The following MAP3K5 variants were observed in gnomAD, a reference collection of about 807,000 sequenced individuals.
The protein encoded by MAP3K5 is mitogen-activated protein kinase kinase kinase 5, also known as ASK-1.
Under a neutral mutation model 158.7 loss-of-function variants are expected in MAP3K5, and 56 were observed. The ratio of observed to expected loss-of-function variants is 0.35; its 90% CI spans 0.28 to 0.44. MAP3K5 has a LOEUF of 0.44. MAP3K5 is among the 20% of genes least tolerant of loss of function. The probability of loss-of-function intolerance (pLI) is 1.00; values close to 1 mark genes in which losing one functional copy is unlikely to be tolerated. For missense variants in MAP3K5, 1,294 were observed against 1,674.8 expected (o/e 0.77, Z 3.97); for synonymous variants, 579 against 601.7 (o/e 0.96, Z 0.55).
intron 13 of MAP3K5, 77 bp downstream of exon 13, chr6:136,639,466 G>T: frequency 1.4e-6 from 1 of 717,472 alleles, no homozygotes; most frequent in South Asian, 1.8e-5. Flanking sequence ...CTTCACAGGA[G>T]GTACATGTTC....
In MAP3K5 at chr6:136,583,584, G is replaced by A; in HGVS notation, c.3382C>T (p.Gln1128Ter). 1 of 1,614,166 alleles carries A rather than the reference G, an allele frequency of 6.2e-7. No individual in the cohort carries two copies. ...DFDSHGISQV[Q>*]VVLFGFQDAV... The stretch of plus-strand genomic sequence containing the variant: ...TCTTGAAAACCAAAGAGTACCACCT[G>A]GACTTGGCTAATGCCATGGCTGTCG... The change falls in exon 24 of 30, where the codon CAG (glutamine) becomes TAG (stop). Residue 1128 changes from glutamine to a stop codon, truncating the protein, a stop_gained. Transcript: ENST00000359015. LOFTEE classifies it high-confidence loss of function.
intron 14 of MAP3K5, among the ~76,000 whole-genome samples, chr6:136,632,293 G>T (rs1292672368): frequency 6.6e-6 from 1 of 152,182 alleles, no homozygotes; most frequent in African/African-American, 2.4e-5. Context: ...GGCCAAGGCA[G>T]GCAGATCACT....
chr6:136,629,511 G>A (rs1777214591), intron 14 of MAP3K5, among the ~76,000 whole-genome samples: 1 of 144,482 alleles, frequency 6.9e-6, no homozygotes, highest in Non-Finnish European at 1.5e-5. Flanking sequence ...CTGGAGTGCA[G>A]TGGCACAATC....
chr6:136,614,397 C>T (rs1776472232), intron 15 of MAP3K5, 111 bp from the exon 16 acceptor site: 1 of 1,187,908 alleles, frequency 8.4e-7, no homozygotes, highest in Admixed American at 2.2e-5. Flanking sequence ...TATGTAAAAC[C>T]AAAACAACCA....
chr6:136,560,863 C>G (rs1830476854), intron 28 of MAP3K5, among the ~76,000 whole-genome samples: 1 of 151,600 alleles, frequency 6.6e-6, no homozygotes, highest in Admixed American at 6.6e-5. Context: ...GGGAGGATCA[C>G]TTGAGCCCAG....
intron 1 of MAP3K5, among the ~76,000 whole-genome samples, chr6:136,728,810 T>C (rs185224496): frequency 2.6e-5 from 4 of 152,298 alleles, no homozygotes; most frequent in Admixed American, 2.0e-4. Flanking sequence ...TCTGTTGTTG[T>C]TGTTAATCTG....
At chr6:136,580,251 CT>C in intron 25 of MAP3K5, 49 bp downstream of exon 25, 1 of 1,220,970 alleles carries the variant, frequency 8.2e-7, no homozygotes, top group Non-Finnish European at 1.2e-6. Flanking sequence ...GAACAGTAAT[CT>C]AAAATATCCA....
At chr6:136,789,587 T>G (rs1483983759) in intron 1 of MAP3K5, among the ~76,000 whole-genome samples, 1 of 149,858 alleles carries the variant, frequency 6.7e-6, no homozygotes, top group South Asian at 2.1e-4. Context: ...GCCAGCTCAC[T>G]CACATGATTC....
intron 10 of MAP3K5, among the ~76,000 whole-genome samples, chr6:136,653,701 A>G (rs1351696958): frequency 6.6e-6 from 1 of 152,228 alleles, no homozygotes; most frequent in Non-Finnish European, 1.5e-5. Context: ...CAGTATCTTT[A>G]CAGTTTCTGC....
At position 136,609,621 on chromosome 6, in the gene MAP3K5, T is replaced by G. The variant is rs202119194; in HGVS notation, c.2521+1661A>C. Among the ~76,000 whole-genome samples, 1 of 145,964 alleles carries G rather than the reference T, an allele frequency of 6.9e-6. No individual in the cohort carries two copies. The highest frequency in any genetic ancestry group is 1.5e-5 in the Non-Finnish European group (1 of 66,042). On this transcript the variant is annotated intron_variant, in intron 18 of 29. Transcript: ENST00000359015. This position sits in a 1 kb window ranked among gnomAD's most constrained non-coding sequence, Gnocchi z 4.4. ...CAGCCTGGGCAACATGGTGAAACCC[T>G]GTCTCTACCAAAAATACAAAAAATT...
chr6:136,589,687 TC>T (rs1775298245), intron 23 of MAP3K5, among the ~76,000 whole-genome samples: 1 of 152,062 alleles, frequency 6.6e-6, no homozygotes, highest in Admixed American at 6.5e-5. Context: ...GTTTCTGGTG[TC>T]CGTATCAGAA....
intron 7 of MAP3K5, among the ~76,000 whole-genome samples, chr6:136,680,050 C>CCACACACA (rs35553089): frequency 3.3e-4 from 49 of 149,226 alleles, no homozygotes; most frequent in African/African-American, 1.1e-3. Context: ...AATAAGCTAG[C>CCACACACA]CACACACACA....
intron 18 of MAP3K5, among the ~76,000 whole-genome samples, chr6:136,608,937 A>T (rs1241648436): frequency 6.6e-6 from 1 of 152,194 alleles, no homozygotes; most frequent in Non-Finnish European, 1.5e-5. Flanking sequence ...CACCAAGTTC[A>T]CGTTTGAAGC....
chr6:136,562,291 G>A (rs888971657), intron 27 of MAP3K5, among the ~76,000 whole-genome samples: 3 of 152,000 alleles, frequency 2.0e-5, no homozygotes, highest in East Asian at 1.9e-4. Flanking sequence ...AGGAAAAGAT[G>A]ATTATGAATA....
In MAP3K5 at chr6:136,637,217, T is replaced by G. The variant is rs1279440989; in HGVS notation, c.2016+108A>C. ...TTGCTTTTAACACTAAAGGAAAGCCTACAGACAGTCTCCTACCCCTCATAC... is the reference window on the plus strand; with the variant it reads ...TTGCTTTTAACACTAAAGGAAAGCCGACAGACAGTCTCCTACCCCTCATAC... On this transcript the variant is annotated intron_variant, in intron 14 of 29. Coordinates refer to ENST00000359015, the MANE Select transcript of MAP3K5 (RefSeq NM_005923.4). The G allele has an allele frequency of 8.0e-6, 10 of 1,246,510 alleles. No individual in the cohort carries two copies. The South Asian group carries it at 1.3e-4, about 17-fold the overall frequency. The allele number at this position is 1,246,510 out of a possible 1,614,324, so 77.2% of individuals were successfully genotyped here.
intron 7 of MAP3K5, among the ~76,000 whole-genome samples, chr6:136,672,274 G>A (rs1685211013): frequency 6.6e-6 from 1 of 152,086 alleles, no homozygotes; most frequent in African/African-American, 2.4e-5. Flanking sequence ...CATTTTTGCA[G>A]ACACTGGAGA....
intron 1 of MAP3K5, among the ~76,000 whole-genome samples, chr6:136,747,907 T>C (rs755973378): frequency 3.3e-4 from 51 of 152,308 alleles, no homozygotes; most frequent in Non-Finnish European, 6.3e-4. Context: ...CAGCATACAA[T>C]GAAGCCAACT....
chr6:136,730,221 A>G (rs1582598581), intron 1 of MAP3K5, among the ~76,000 whole-genome samples: 1 of 149,128 alleles, frequency 6.7e-6, no homozygotes, highest in Admixed American at 6.7e-5. Flanking sequence ...CTGGTCTCAA[A>G]CTCCTGGGCT....
chr6:136,740,227 G>A (rs1021914541), intron 1 of MAP3K5, among the ~76,000 whole-genome samples: 4 of 152,168 alleles, frequency 2.6e-5, no homozygotes, highest in African/African-American at 7.2e-5. Context: ...GTCATTTCTT[G>A]TTTGTGTGGG....
Sources: allele counts gnomAD v4.1 joint callset (sites outside exome capture counted in the v4.1 genomes callset), GRCh38; gene constraint gnomAD v4.1.1; non-coding constraint Gnocchi (gnomAD v3.1); transcripts MANE v1.5; gene names NCBI Gene and HGNC (gene_info 2026-07-23, HGNC 2026-07-21).